Variants in RNF145 observed in about 807,000 individuals in gnomAD.
RNF145 encodes the protein ring finger protein 145.
A neutral mutation model predicts 57.3 loss-of-function variants in RNF145; 12 were observed. The ratio of observed to expected loss-of-function variants is 0.21; its 90% CI spans 0.13 to 0.34. The LOEUF is 0.34. RNF145 is among the 10% of genes least tolerant of loss of function. The probability of loss-of-function intolerance (pLI) is 1.00; values close to 1 mark genes in which losing one functional copy is unlikely to be tolerated. For synonymous variants in RNF145, 262 were observed against 288.3 expected (o/e 0.91, Z 0.92); for missense variants, 429 against 799.0 (o/e 0.54, Z 5.58).
chr5:159,169,866 G>T (rs1319582579), intron 6 of RNF145, 47 bp from the exon 7 acceptor site: 3 of 1,512,010 alleles, frequency 2.0e-6, no homozygotes, highest in South Asian at 1.3e-5. Context: ...TTTCCATTTG[G>T]AGTAAACACA....
intron 3 of RNF145, among the ~76,000 whole-genome samples, chr5:159,183,385 A>G (rs1180721415): frequency 6.6e-6 from 1 of 152,158 alleles, no homozygotes; most frequent in Non-Finnish European, 1.5e-5. Context: ...AAGGCCAAAG[A>G]TGCTGCTAAA....
chr5:159,190,258 T>G (rs1467154113), intron 3 of RNF145, among the ~76,000 whole-genome samples: 1 of 152,174 alleles, frequency 6.6e-6, no homozygotes, highest in Non-Finnish European at 1.5e-5. Flanking sequence ...GGTCTCCAAC[T>G]CTTGAGCTCA....
In RNF145 at chr5:159,171,947, T is replaced by G. The variant is rs577234169; in HGVS notation, c.797+2036A>C. On this transcript the variant is annotated intron_variant, in intron 6 of 10. Coordinates refer to ENST00000424310, the MANE Select transcript of RNF145 (RefSeq NM_001199383.2). ...AGAAAAAGAAAAGAAAAAAATTATGTTAGCAAGATATCTAAACTTCACAGA... is the reference window on the plus strand; with the variant it reads ...AGAAAAAGAAAAGAAAAAAATTATGGTAGCAAGATATCTAAACTTCACAGA... Among the ~76,000 whole-genome samples, 12 of 152,340 alleles carry G rather than the reference T, an allele frequency of 7.9e-5. No homozygotes were observed. The South Asian group carries it at 2.5e-3, about 32-fold the overall frequency.
chr5:159,209,253 TG>T lies in RNF145; in HGVS notation c.-63del. 2.0e-6 allele frequency: 2 copies of T among 985,020 alleles called. No individual in the cohort carries two copies. The highest frequency in any genetic ancestry group is 2.4e-6 in the Non-Finnish European group (2 of 829,718). 61.0% of individuals were successfully genotyped at this position (985,020 alleles called of 1,614,324 possible). On this transcript the variant is annotated 5_prime_UTR_variant, in exon 1 of 11. Coordinates refer to ENST00000424310, the MANE Select transcript of RNF145 (RefSeq NM_001199383.2). ...CACCTCAGGCTGCGGACTCCCTCCC[TG>T]GGGAGCGGCGCTGCCGGCGGGCGGG...
chr5:159,175,557 T>A (rs1244467936), intron 5 of RNF145, among the ~76,000 whole-genome samples: 1 of 152,120 alleles, frequency 6.6e-6, no homozygotes, highest in Non-Finnish European at 1.5e-5. Flanking sequence ...AAAATATGTA[T>A]CTTAAATTTG....
intron 10 of RNF145, among the ~76,000 whole-genome samples, chr5:159,160,306 G>A (rs1030577931): frequency 1.3e-5 from 2 of 152,106 alleles, no homozygotes; most frequent in African/African-American, 4.8e-5. Flanking sequence ...ACATTGTTTA[G>A]CTAGGATCAA....
At chr5:159,176,470 G>T (rs1421599513) in intron 5 of RNF145, among the ~76,000 whole-genome samples, 162 bp downstream of exon 5, 1 of 152,030 alleles carries the variant, frequency 6.6e-6, no homozygotes, top group Non-Finnish European at 1.5e-5. Flanking sequence ...ACATAATCAA[G>T]AATCTTTCAG....
chr5:159,209,697 A>C, upstream of RNF145: 2 of 1,008,948 alleles, frequency 2.0e-6, no homozygotes, highest in Admixed American at 5.7e-5. Context: ...GGCGGGAGAC[A>C]TAAGCCTAGC....
intron 3 of RNF145, among the ~76,000 whole-genome samples, 194 bp downstream of exon 3, chr5:159,194,522 T>C (rs1047451031): frequency 6.6e-6 from 1 of 152,224 alleles, no homozygotes; most frequent in Non-Finnish European, 1.5e-5. Context: ...TTAAGCTTGT[T>C]TTTAAAAGCA....
intron 3 of RNF145, among the ~76,000 whole-genome samples, chr5:159,190,738 C>G (rs980279979): frequency 9.3e-5 from 14 of 149,902 alleles, no homozygotes; most frequent in African/African-American, 3.4e-4. Context: ...AAATCTGAAC[C>G]ATTATTTTTT....
rs541780994 is a variant in RNF145 at position 159,192,020 on chromosome 5, G to A, written c.293+2696C>T. ...ATATTCACTGGGTTCCACATCTGTG[G>A]ATTCAACCAACCAAGAATCGAAAAT... is the stretch of plus-strand genomic sequence containing the variant. On this transcript the variant is annotated intron_variant, in intron 3 of 10. Transcript: ENST00000424310. Among the ~76,000 whole-genome samples, 11 of 149,560 alleles carry A rather than the reference G, an allele frequency of 7.4e-5. 1 individual carries two copies. The South Asian group carries it at 2.3e-3, about 32-fold the overall frequency.
At chr5:159,172,753 A>C (rs1463753434) in intron 6 of RNF145, among the ~76,000 whole-genome samples, 1 of 152,218 alleles carries the variant, frequency 6.6e-6, no homozygotes, top group Non-Finnish European at 1.5e-5. Flanking sequence ...CTTTCCTAGT[A>C]ACATGCTCCT....
At chr5:159,208,147 T>A (rs1785965676) in intron 1 of RNF145, 1 of 1,418,930 alleles carries the variant, frequency 7.0e-7, no homozygotes, top group Admixed American at 2.9e-5. Flanking sequence ...CCTGCAGATC[T>A]CAGATGCGTT....
chr5:159,188,404 A>G (rs1175910399), intron 3 of RNF145, among the ~76,000 whole-genome samples: 1 of 152,106 alleles, frequency 6.6e-6, no homozygotes, highest in Non-Finnish European at 1.5e-5. Context: ...AAAAAAAAAA[A>G]AAAGAAATAC....
At chr5:159,188,319 G>A (rs141150449) in intron 3 of RNF145, among the ~76,000 whole-genome samples, 17,542 of 151,914 alleles carry the variant, frequency 0.12, 1,365 homozygotes, top group East Asian at 0.28. Flanking sequence ...CCCAGGAGGC[G>A]GAGCTTGCAG....
chr5:159,168,052 G>C (rs1784442526), intron 8 of RNF145, among the ~76,000 whole-genome samples: 1 of 151,912 alleles, frequency 6.6e-6, no homozygotes, highest in African/African-American at 2.4e-5. Context: ...CAGTGACATC[G>C]AATTTTAAGA....
At chr5:159,179,919 A>C (rs1394915246) in intron 4 of RNF145, among the ~76,000 whole-genome samples, 1 of 152,126 alleles carries the variant, frequency 6.6e-6, no homozygotes, top group Non-Finnish European at 1.5e-5. Context: ...TAAAGTTGAG[A>C]CTTATCCCTT....
intron 4 of RNF145, 126 bp from the exon 5 acceptor site, chr5:159,176,993 GATA>G (rs570712412): frequency 4.9e-4 from 291 of 590,680 alleles, no homozygotes; most frequent in Non-Finnish European, 8.0e-4. Context: ...AAATCTCGTA[GATA>G]ATATTTTAAA....
intron 3 of RNF145, among the ~76,000 whole-genome samples, chr5:159,187,414 G>A (rs1166906416): frequency 6.6e-6 from 1 of 151,616 alleles, no homozygotes; most frequent in Non-Finnish European, 1.5e-5. Context: ...TGCAACCTCT[G>A]CCTTCCAGGT....
Sources: allele counts gnomAD v4.1 joint callset (sites outside exome capture counted in the v4.1 genomes callset), GRCh38; gene constraint gnomAD v4.1.1; transcripts MANE v1.5; gene names NCBI Gene and HGNC (gene_info 2026-07-23, HGNC 2026-07-21).